CTNNA1: variants seen among roughly 807,000 people sequenced by gnomAD.
CTNNA1 encodes the protein catenin alpha 1.
CTNNA1 carries 37 observed loss-of-function variants against 98.4 expected under a neutral mutation model. The observed-to-expected ratio is 0.38, with a 90% CI of 0.29 to 0.49. The LOEUF (loss-of-function observed/expected upper bound fraction) is 0.49. CTNNA1 is among the 20% of genes least tolerant of loss of function. The pLI is 0.95. For missense variants in CTNNA1, 761 were observed against 1,147.2 expected (o/e 0.66, Z 4.86); for synonymous variants, 404 against 413.2 (o/e 0.98, Z 0.27).
intron 7 of CTNNA1, among the ~76,000 whole-genome samples, chr5:138,852,707 C>G (rs1403422429): frequency 6.6e-6 from 1 of 151,488 alleles, no homozygotes; most frequent in East Asian, 1.9e-4. Context: ...ATGCTGATTC[C>G]CCTGATTTCC....
chr5:138,767,169 A>C (rs1205289327), intron 1 of CTNNA1, among the ~76,000 whole-genome samples: 2 of 151,916 alleles, frequency 1.3e-5, no homozygotes, highest in African/African-American at 4.8e-5. Context: ...CCGAGTAGCT[A>C]GGACTACAGG....
At chr5:138,843,022 G>T (rs1313118553) in intron 7 of CTNNA1, among the ~76,000 whole-genome samples, 2 of 151,302 alleles carry the variant, frequency 1.3e-5, no homozygotes, top group African/African-American at 2.5e-5. Flanking sequence ...TTAATAAACA[G>T]CAATAATTGT....
chr5:138,772,228 G>A (rs552342581), intron 1 of CTNNA1, among the ~76,000 whole-genome samples: 1 of 152,240 alleles, frequency 6.6e-6, no homozygotes, highest in South Asian at 2.1e-4. Context: ...TGAATTTATA[G>A]CAAACTTTTG....
chr5:138,933,987 G>GAAAC lies in CTNNA1; in HGVS notation c.2621_2624dup (p.Asp876ThrfsTer3), dbSNP rs758113491. ...AGAAAAAGCCATTGGTGAAGAGAGA[G>GAAAC]AAACAGGATGAGACACAGACCAAGA... is the stretch of plus-strand genomic sequence containing the variant. On this transcript the variant is annotated frameshift_variant, in exon 18 of 18. Transcript: ENST00000302763. LOFTEE classifies it high-confidence loss of function. The GAAAC allele has an allele frequency of 6.2e-7, 1 of 1,614,162 alleles. No individual in the cohort carries two copies.
chr5:138,758,709 A>C (rs1751986397), intron 1 of CTNNA1, among the ~76,000 whole-genome samples: 1 of 151,650 alleles, frequency 6.6e-6, no homozygotes, highest in Non-Finnish European at 1.5e-5. Context: ...TATTTTCTTG[A>C]TTTTTCCCAT....
intron 11 of CTNNA1, among the ~76,000 whole-genome samples, chr5:138,920,775 G>A (rs533798151): frequency 2.6e-5 from 4 of 152,312 alleles, no homozygotes; most frequent in South Asian, 4.1e-4. Context: ...AGAGGAAATC[G>A]TTTATGGAGT....
At chr5:138,876,628 C>T (rs1031224187) in intron 7 of CTNNA1, among the ~76,000 whole-genome samples, 1 of 152,196 alleles carries the variant, frequency 6.6e-6, no homozygotes, top group Non-Finnish European at 1.5e-5. Flanking sequence ...TTGTCTCAGA[C>T]CTAAGGACAG....
chr5:138,768,667 C>T (rs1753203678), intron 1 of CTNNA1, among the ~76,000 whole-genome samples: 2 of 148,014 alleles, frequency 1.4e-5, no homozygotes, highest in African/African-American at 2.5e-5. Flanking sequence ...TCCTGAACTC[C>T]TGGGTACAGG....
chr5:138,871,473 T>C (rs1209387885), intron 7 of CTNNA1: 2 of 152,256 alleles, frequency 1.3e-5, no homozygotes, highest in African/African-American at 4.8e-5. Context: ...TGTGGTTCTT[T>C]TCTGCATGAA....
Position 138,930,890 on chromosome 5 carries a change from G to C in CTNNA1, c.2253G>C (p.Glu751Asp). ...DVISAAKKIA[E>D]AGSRMDKLGR... is the part of the protein sequence containing the mutation. ...TCAGTGCTGCCAAGAAAATTGCTGA[G>C]GCAGGATCCAGGATGGACAAGCTTG... The change falls in exon 16 of 18, where the codon GAG becomes GAC. Residue 751 changes from glutamate to aspartate, a missense_variant. Coordinates refer to ENST00000302763, the MANE Select transcript of CTNNA1 (RefSeq NM_001903.5). The C allele has an allele frequency of 6.2e-7, 1 of 1,614,132 alleles. No homozygotes were observed.
At chr5:138,777,631 G>A (rs370908048) in intron 1 of CTNNA1, among the ~76,000 whole-genome samples, 7 of 151,982 alleles carry the variant, frequency 4.6e-5, no homozygotes, top group African/African-American at 1.2e-4. Flanking sequence ...CGAGGCTGGC[G>A]GATCACTCGC....
chr5:138,830,277 G>T (rs1178288549), intron 7 of CTNNA1, among the ~76,000 whole-genome samples: 1 of 152,174 alleles, frequency 6.6e-6, no homozygotes, highest in Non-Finnish European at 1.5e-5. Flanking sequence ...CAGGAGAATG[G>T]TGTGAATCCA....
intron 3 of CTNNA1, among the ~76,000 whole-genome samples, chr5:138,800,315 G>A (rs1191368847): frequency 2.0e-5 from 3 of 152,138 alleles, no homozygotes; most frequent in Admixed American, 6.5e-5. Flanking sequence ...AGTAAGATTC[G>A]AGAAAAAGCA....
intron 7 of CTNNA1, among the ~76,000 whole-genome samples, chr5:138,829,679 A>G (rs1761068695): frequency 6.6e-6 from 1 of 152,236 alleles, no homozygotes; most frequent in Admixed American, 6.5e-5. Context: ...AGACATGGAG[A>G]CTGCAGTAGC....
chr5:138,776,131 G>A (rs1754136237), intron 1 of CTNNA1, among the ~76,000 whole-genome samples: 4 of 150,902 alleles, frequency 2.7e-5, no homozygotes, highest in African/African-American at 7.3e-5. Flanking sequence ...AGTGGAGGGA[G>A]GGTCAGCAGA....
At chr5:138,892,567 A>G (rs1755697841) in intron 9 of CTNNA1, among the ~76,000 whole-genome samples, 1 of 151,446 alleles carries the variant, frequency 6.6e-6, no homozygotes, top group South Asian at 2.1e-4. Context: ...CGAACTCCCA[A>G]TCTTGATCAA....
intron 7 of CTNNA1, among the ~76,000 whole-genome samples, chr5:138,845,989 C>T (rs982722935): frequency 6.6e-5 from 10 of 151,904 alleles, no homozygotes; most frequent in East Asian, 1.9e-4. Context: ...TGAAGTGGCG[C>T]GATCACGGCT....
At chr5:138,924,770 C>T in intron 12 of CTNNA1, 60 bp downstream of exon 12, 2 of 1,401,220 alleles carry the variant, frequency 1.4e-6, no homozygotes, top group Non-Finnish European at 9.9e-7. Context: ...AGGCAGGCCA[C>T]CCCATTAGCC....
At chr5:138,756,500 A>G (rs1561489968) in intron 1 of CTNNA1, among the ~76,000 whole-genome samples, 1 of 152,134 alleles carries the variant, frequency 6.6e-6, no homozygotes, top group African/African-American at 2.4e-5. Flanking sequence ...TGTGGGGCAT[A>G]ACAGACAGCC....
Sources: gnomAD v4.1 joint callset for allele counts (sites outside exome capture counted in the v4.1 genomes callset) on GRCh38, gnomAD v4.1.1 for gene constraint, MANE v1.5 for transcripts, NCBI Gene and HGNC (gene_info 2026-07-23, HGNC 2026-07-21) for gene names.